The following IL19 variants were observed in gnomAD, a reference collection of about 807,000 sequenced individuals.
The protein encoded by IL19 is interleukin 19, also known as interleukin-19.
Under a neutral mutation model 19.5 loss-of-function variants are expected in IL19, and 15 were observed. The observed-to-expected ratio is 0.77, with a 90% CI of 0.52 to 1.19. IL19 has a LOEUF of 1.19. Among genes scored for constraint, IL19 ranks in the 50% most tolerant of loss-of-function variants. The probability of loss-of-function intolerance (pLI) is 0.00; values close to 1 mark genes in which losing one functional copy is unlikely to be tolerated. For missense variants in IL19, 199 were observed against 213.1 expected (o/e 0.93, Z 0.41); for synonymous variants, 78 against 78.3 (o/e 1.00, Z 0.02).
intron 2 of IL19, among the ~76,000 whole-genome samples, chr1:206,829,554 G>A (rs941044080): frequency 1.3e-5 from 2 of 152,182 alleles, no homozygotes; most frequent in Non-Finnish European, 2.9e-5. Context: ...AAATGTAGGC[G>A]AAGTCCAGGC....
rs1031810412 is a variant in IL19, at chr1:206,824,291, A to G, written c.-2-12370A>G. Among the ~76,000 whole-genome samples, 7 of 152,316 alleles carry G rather than the reference A, an allele frequency of 4.6e-5. No individual in the cohort carries two copies. In the East Asian group the frequency reaches 1.3e-3, roughly 29 times the overall value. On this transcript the variant is annotated intron_variant, in intron 2 of 6. Coordinates refer to ENST00000659997, the MANE Select transcript of IL19 (RefSeq NM_153758.5). ...AGCCTTCCCATCTAAAGAAAGGAGGACATCTTCCCTATTGATATGGAAGAT... is the reference window on the plus strand; with the variant it reads ...AGCCTTCCCATCTAAAGAAAGGAGGGCATCTTCCCTATTGATATGGAAGAT...
At chr1:206,839,014 G>A (rs932663075) in intron 4 of IL19, among the ~76,000 whole-genome samples, 1 of 152,180 alleles carries the variant, frequency 6.6e-6, no homozygotes, top group African/African-American at 2.4e-5. Flanking sequence ...GAATGAAGAT[G>A]GGTGTGCTGT....
At chr1:206,837,251 G>A (rs1378238426) in intron 4 of IL19, among the ~76,000 whole-genome samples, 2 of 152,136 alleles carry the variant, frequency 1.3e-5, no homozygotes, top group Non-Finnish European at 2.9e-5. Flanking sequence ...GTGATTGGGG[G>A]TGCCAGGTGC....
chr1:206,830,886 T>A (rs183516930), intron 2 of IL19, among the ~76,000 whole-genome samples: 1 of 152,340 alleles, frequency 6.6e-6, no homozygotes, highest in East Asian at 1.9e-4. Context: ...CTACGTTTCT[T>A]TTTTTACAAA....
At chr1:206,826,379 G>A (rs1174072850) in intron 2 of IL19, among the ~76,000 whole-genome samples, 5 of 152,224 alleles carry the variant, frequency 3.3e-5, no homozygotes, top group African/African-American at 1.2e-4. Flanking sequence ...CTACACCGCT[G>A]GCTTTCTGAA....
intron 2 of IL19, among the ~76,000 whole-genome samples, chr1:206,807,013 T>A (rs1037616903): frequency 6.6e-6 from 1 of 152,180 alleles, no homozygotes; most frequent in Non-Finnish European, 1.5e-5. Flanking sequence ...CCTGCAGGGC[T>A]GGGGAGGCCT....
At chr1:206,822,292 C>A (rs573785033) in intron 2 of IL19, among the ~76,000 whole-genome samples, 40 of 152,238 alleles carry the variant, frequency 2.6e-4, no homozygotes, top group African/African-American at 9.1e-4. Context: ...GCTGCAGGGC[C>A]CACGAAGAGC....
chr1:206,837,727 C>G (rs989347272), intron 4 of IL19, among the ~76,000 whole-genome samples: 4 of 152,190 alleles, frequency 2.6e-5, no homozygotes, highest in African/African-American at 9.7e-5. Flanking sequence ...TGGCATGCAA[C>G]TCTATTCCCA....
chr1:206,802,900 G>A (rs1441438773), intron 2 of IL19, among the ~76,000 whole-genome samples: 1 of 152,226 alleles, frequency 6.6e-6, no homozygotes. Context: ...GGACAGGAAA[G>A]CAAGGGGAAT....
chr1:206,836,572 C>T (rs1471344543), intron 2 of IL19, 89 bp from the exon 3 acceptor site: 17 of 1,269,058 alleles, frequency 1.3e-5, no homozygotes, highest in East Asian at 2.3e-5. Flanking sequence ...GGCTTGCCTT[C>T]GAGGCTGGAA....
At chr1:206,784,493 G>A (rs910649609) in intron 1 of IL19, among the ~76,000 whole-genome samples, 7 of 152,136 alleles carry the variant, frequency 4.6e-5, no homozygotes, top group East Asian at 1.9e-4. Context: ...CTTTTCCTCC[G>A]GCAGCTTTTG....
intron 1 of IL19, among the ~76,000 whole-genome samples, chr1:206,781,299 C>G (rs1369335038): frequency 6.7e-6 from 1 of 150,334 alleles, no homozygotes; most frequent in East Asian, 2.0e-4. Flanking sequence ...CAAAAATTAG[C>G]TGGGCGTGGT....
intron 2 of IL19, among the ~76,000 whole-genome samples, chr1:206,811,844 G>A (rs1455898167): frequency 2.0e-5 from 3 of 152,214 alleles, no homozygotes; most frequent in Admixed American, 1.3e-4. Context: ...AAGGAAAAAT[G>A]TTTCCTTAGT....
intron 2 of IL19, among the ~76,000 whole-genome samples, chr1:206,807,415 C>T (rs1285726003): frequency 1.3e-5 from 2 of 152,180 alleles, no homozygotes; most frequent in Non-Finnish European, 2.9e-5. Flanking sequence ...AGTCATATAG[C>T]CACTGATCAG....
At position 206,840,116 on chromosome 1, in the gene IL19, T is replaced by C. The variant is rs564134158; in HGVS notation, c.363+114T>C. The C allele has an allele frequency of 2.6e-6, 3 of 1,152,860 alleles. No individual in the cohort carries two copies. The South Asian group carries it at 3.7e-5, about 14-fold the overall frequency. The allele number at this position is 1,152,860 out of a possible 1,614,324, so 71.4% of individuals were successfully genotyped here. ...TGGTGCTTGGAGTCAAAGGAAATTC[T>C]CTGCGCACGTCCACAGGGAGAACTG... On this transcript the variant is annotated intron_variant, in intron 5 of 6. Coordinates refer to ENST00000659997, the MANE Select transcript of IL19 (RefSeq NM_153758.5).
At chr1:206,771,154 C>G in intron 1 of IL19, 76 bp downstream of exon 1, 2 of 1,410,790 alleles carry the variant, frequency 1.4e-6, no homozygotes, top group Non-Finnish European at 2.0e-6. Context: ...TTGGTTCTAG[C>G]GATCCTCCTT....
intron 1 of IL19, among the ~76,000 whole-genome samples, chr1:206,789,546 A>G (rs1352006778): frequency 6.6e-6 from 1 of 152,136 alleles, no homozygotes; most frequent in Non-Finnish European, 1.5e-5. Context: ...GTGGTACTCC[A>G]TGGTGTATAT....
chr1:206,836,657 G>T lies in IL19; in HGVS notation c.-2-4G>T. ...GGACAGCTGACTTCCTCTCCTTTCT[G>T]CAGGCATGAAGTTACAGTGTGTTTC... On this transcript the variant is annotated splice_region_variant and splice_polypyrimidine_tract_variant and intron_variant, in intron 2 of 6. Coordinates refer to ENST00000659997, the MANE Select transcript of IL19 (RefSeq NM_153758.5). 6.3e-7 allele frequency: 1 copy of T among 1,594,526 alleles called. No individual in the cohort carries two copies. The highest frequency in any genetic ancestry group is 8.5e-7 in the Non-Finnish European group (1 of 1,170,684).
chr1:206,796,198 T>G (rs113785157), intron 1 of IL19, among the ~76,000 whole-genome samples: 14 of 152,250 alleles, frequency 9.2e-5, no homozygotes, highest in African/African-American at 3.4e-4. Flanking sequence ...GGAATTCTCC[T>G]TTCCCCTACT....
Sources: allele counts gnomAD v4.1 joint callset (sites outside exome capture counted in the v4.1 genomes callset), GRCh38; gene constraint gnomAD v4.1.1; transcripts MANE v1.5; gene names NCBI Gene and HGNC (gene_info 2026-07-23, HGNC 2026-07-21).